The following CRIM1 variants were observed in gnomAD, a reference collection of about 807,000 sequenced individuals.
The protein encoded by CRIM1 is cysteine rich transmembrane BMP regulator 1, also known as cysteine-rich motor neuron 1 protein.
Under a neutral mutation model 116.4 loss-of-function variants are expected in CRIM1, and 32 were observed. The observed-to-expected ratio is 0.27, with a 90% CI of 0.21 to 0.37. The LOEUF (loss-of-function observed/expected upper bound fraction) is 0.37, where lower values mean the gene tolerates loss of function less well. Among genes scored for constraint, CRIM1 ranks in the 10% least tolerant of loss-of-function variants. CRIM1 has a pLI of 1.00. For missense variants in CRIM1, 1,331 were observed against 1,354.8 expected, an observed-to-expected ratio of 0.98 and a Z score of 0.28; for synonymous variants, 590 against 509.2, an observed-to-expected ratio of 1.16 and a Z score of -2.13.
intron 2 of CRIM1, among the ~76,000 whole-genome samples, chr2:36,407,904 A>T (rs1370739764): frequency 6.6e-6 from 1 of 152,100 alleles, no homozygotes; most frequent in Non-Finnish European, 1.5e-5. Context: ...GTTCTATACC[A>T]TTCATTCATG....
At chr2:36,498,373 C>A (rs1010403555) in intron 7 of CRIM1, among the ~76,000 whole-genome samples, 1 of 152,110 alleles carries the variant, frequency 6.6e-6, no homozygotes, top group African/African-American at 2.4e-5. Context: ...TGCTAGATTT[C>A]CTCATCTGTA....
intron 2 of CRIM1, among the ~76,000 whole-genome samples, chr2:36,400,425 A>G (rs546888654): frequency 6.6e-5 from 10 of 152,248 alleles, no homozygotes; most frequent in Admixed American, 1.3e-4. Flanking sequence ...ATGCCAAGGA[A>G]TAGTAGCAGG....
intron 2 of CRIM1, among the ~76,000 whole-genome samples, chr2:36,435,330 CTGTG>C (rs111252647): frequency 6.7e-6 from 1 of 149,862 alleles, no homozygotes; most frequent in Non-Finnish European, 1.5e-5. Context: ...GTGTATCTCA[CTGTG>C]TGTGTGTGTG....
intron 2 of CRIM1, among the ~76,000 whole-genome samples, chr2:36,405,489 G>A (rs191195880): frequency 4.6e-5 from 7 of 152,314 alleles, no homozygotes; most frequent in African/African-American, 1.7e-4. Flanking sequence ...TCTCAAACTT[G>A]AGAGAGCTTG....
At chr2:36,504,000 A>G (rs1187964563) in intron 8 of CRIM1, among the ~76,000 whole-genome samples, 1 of 152,042 alleles carries the variant, frequency 6.6e-6, no homozygotes, top group Non-Finnish European at 1.5e-5. Flanking sequence ...CCTCCCAAGT[A>G]ACTGGGACTA....
rs1040543559 is a variant in CRIM1, at chr2:36,464,431, G to C, written c.870-103G>C. 3 of 1,204,778 alleles carry C rather than the reference G, an allele frequency of 2.5e-6. No homozygotes were observed. The African/African-American group carries it at 4.5e-5, about 18-fold the overall frequency. 74.6% of individuals were successfully genotyped at this position (1,204,778 alleles called of 1,614,324 possible). A position where few individuals can be genotyped will look rare whatever the true frequency, so the allele number is the denominator to read the frequency against. ...CAGATAAAGGAGGCAGTGTCGTATAGACCAGGTACTTTGCCACAGCCACTG... is the reference window on the plus strand; with the variant it reads ...CAGATAAAGGAGGCAGTGTCGTATACACCAGGTACTTTGCCACAGCCACTG... On this transcript the variant is annotated intron_variant, in intron 4 of 16. Coordinates refer to ENST00000280527, the MANE Select transcript of CRIM1 (RefSeq NM_016441.3).
intron 6 of CRIM1, 143 bp downstream of exon 6, chr2:36,477,214 G>C (rs1679054095): frequency 1.5e-6 from 1 of 656,520 alleles, no homozygotes; most frequent in South Asian, 2.2e-5. Flanking sequence ...ACCATGGTCT[G>C]TCTTTTAGCA....
intron 2 of CRIM1, among the ~76,000 whole-genome samples, chr2:36,420,477 C>G (rs759747149): frequency 6.6e-6 from 1 of 152,156 alleles, no homozygotes; most frequent in Non-Finnish European, 1.5e-5. Flanking sequence ...ACTGTTCAGT[C>G]CGTCAAGATT....
chr2:36,470,903 A>C (rs1319796014), intron 5 of CRIM1, among the ~76,000 whole-genome samples: 2 of 152,222 alleles, frequency 1.3e-5, no homozygotes, highest in Non-Finnish European at 2.9e-5. Flanking sequence ...GATGCCATTA[A>C]GAACACAGGT....
chr2:36,503,814 A>G (rs1681181530), intron 8 of CRIM1, among the ~76,000 whole-genome samples: 1 of 152,114 alleles, frequency 6.6e-6, no homozygotes, highest in Non-Finnish European at 1.5e-5. Flanking sequence ...TTTCACATAC[A>G]GTAGTCCTAA....
At chr2:36,378,490 T>C (rs571994582) in intron 1 of CRIM1, 81 of 448,834 alleles carry the variant, frequency 1.8e-4, no homozygotes, top group African/African-American at 2.2e-4. Flanking sequence ...GCCTGGGCCA[T>C]ACTCTGGATG....
intron 6 of CRIM1, among the ~76,000 whole-genome samples, chr2:36,477,969 C>T (rs1679115506): frequency 6.6e-6 from 1 of 152,172 alleles, no homozygotes; most frequent in Admixed American, 6.5e-5. Context: ...TCTTGTGAGC[C>T]TTCCTGTCCT....
chr2:36,538,372 C>T (rs543684921), intron 14 of CRIM1, among the ~76,000 whole-genome samples: 3 of 152,312 alleles, frequency 2.0e-5, no homozygotes, highest in African/African-American at 7.2e-5. Flanking sequence ...ATAGACCACA[C>T]AGACCCAAGT....
intron 2 of CRIM1, among the ~76,000 whole-genome samples, chr2:36,430,009 G>T (rs933745082): frequency 3.9e-4 from 60 of 152,202 alleles, no homozygotes; most frequent in African/African-American, 1.4e-3. Context: ...TGAAAGGAGT[G>T]TAAGTACTGT....
At chr2:36,380,065 G>C (rs1670624976) in intron 1 of CRIM1, among the ~76,000 whole-genome samples, 1 of 152,120 alleles carries the variant, frequency 6.6e-6, no homozygotes, top group South Asian at 2.1e-4. Context: ...ATGAATGGCA[G>C]CCCTAAATGG....
chr2:36,437,885 G>A (rs1003660824), intron 2 of CRIM1, among the ~76,000 whole-genome samples: 1 of 152,072 alleles, frequency 6.6e-6, no homozygotes, highest in Non-Finnish European at 1.5e-5. Flanking sequence ...TGTAATCCCA[G>A]CACTTTGGGA....
At chr2:36,541,106 G>A (rs552753293) in intron 14 of CRIM1, among the ~76,000 whole-genome samples, 4 of 152,200 alleles carry the variant, frequency 2.6e-5, no homozygotes, top group East Asian at 3.9e-4. Flanking sequence ...GGGCTGCCAG[G>A]AAGGCTGTAT....
chr2:36,502,016 A>G (rs1456915260), intron 8 of CRIM1, among the ~76,000 whole-genome samples: 1 of 152,210 alleles, frequency 6.6e-6, no homozygotes, highest in Non-Finnish European at 1.5e-5. Flanking sequence ...TTACATTAAG[A>G]AAGCTACATC....
At chr2:36,525,589 G>A (rs867624592) in intron 13 of CRIM1, among the ~76,000 whole-genome samples, 1 of 152,134 alleles carries the variant, frequency 6.6e-6, no homozygotes, top group East Asian at 1.9e-4. Context: ...ACCAGTGCTC[G>A]CATTGTTTCC....
Sources: allele counts gnomAD v4.1 joint callset (sites outside exome capture counted in the v4.1 genomes callset), GRCh38; gene constraint gnomAD v4.1.1; transcripts MANE v1.5; gene names NCBI Gene and HGNC (gene_info 2026-07-23, HGNC 2026-07-21).